CEP128: variants seen among roughly 807,000 people sequenced by gnomAD.
CEP128 encodes centrosomal protein 128, also known as centrosomal protein 128kDa.
Under a neutral mutation model 156.7 loss-of-function variants are expected in CEP128, and 132 were observed. The observed-to-expected ratio is 0.84, with a 90% CI of 0.73 to 0.97. The LOEUF (loss-of-function observed/expected upper bound fraction) is 0.97. Ranked by LOEUF, CEP128 falls within the 50% of genes least tolerant of loss-of-function variation. The pLI, the probability that CEP128 is intolerant of heterozygous loss-of-function variation, is 0.00. For synonymous variants in CEP128, 469 were observed against 448.9 expected, an observed-to-expected ratio of 1.04 and a Z score of -0.57; for missense variants, 1,252 against 1,281.9, an observed-to-expected ratio of 0.98 and a Z score of 0.36.
chr14:80,698,847 T>C (rs867249525), intron 19 of CEP128, among the ~76,000 whole-genome samples: 2 of 152,212 alleles, frequency 1.3e-5, no homozygotes, highest in Middle Eastern at 6.3e-3. Flanking sequence ...ATTTTCTCTT[T>C]TGTAAAAATA....
At chr14:80,949,551 T>A (rs111324940) in intron 2 of CEP128, among the ~76,000 whole-genome samples, 98 of 152,268 alleles carry the variant, frequency 6.4e-4, no homozygotes, top group African/African-American at 2.3e-3. Context: ...ACCAGCCAGA[T>A]TTGAAATCCT....
At position 80,892,572 on chromosome 14, in the gene CEP128, C is replaced by T. The variant is rs968928067; in HGVS notation, c.645+3146G>A. On this transcript the variant is annotated intron_variant, in intron 8 of 24. Coordinates refer to ENST00000555265, the MANE Select transcript of CEP128 (RefSeq NM_152446.5). The stretch of plus-strand genomic sequence containing the variant: ...ATGGCACTACTTCAAACTAAAAAGG[C>T]TCTATACAGCAAAAGATATAATCAA... Among the ~76,000 whole-genome samples the T allele has an allele frequency of 5.9e-5, 9 of 151,934 alleles. No individual in the cohort carries two copies. In the East Asian group the frequency reaches 1.5e-3, roughly 26 times the overall value.
intron 2 of CEP128, among the ~76,000 whole-genome samples, chr14:80,932,604 AC>A (rs1885529676): frequency 6.6e-6 from 1 of 152,118 alleles, no homozygotes; most frequent in African/African-American, 2.4e-5. Context: ...TAAGCAACAC[AC>A]TTTGGGTGTC....
chr14:80,750,145 C>T (rs886767889), intron 18 of CEP128, among the ~76,000 whole-genome samples: 5 of 151,922 alleles, frequency 3.3e-5, no homozygotes, highest in Non-Finnish European at 5.9e-5. Flanking sequence ...TAATCATAAG[C>T]GTAAGGTAGA....
At chr14:80,619,144 G>A (rs1277157797) in intron 19 of CEP128, among the ~76,000 whole-genome samples, 1 of 151,998 alleles carries the variant, frequency 6.6e-6, no homozygotes, top group Non-Finnish European at 1.5e-5. Context: ...TGAGGCATAT[G>A]GAAAATGTAA....
intron 23 of CEP128, among the ~76,000 whole-genome samples, chr14:80,514,021 G>C (rs1888378590): frequency 6.6e-6 from 1 of 152,162 alleles, no homozygotes; most frequent in African/African-American, 2.4e-5. Flanking sequence ...GCCACTATAA[G>C]ACTTCAAAAA....
chr14:80,894,468 G>C, intron 8 of CEP128: 2 of 367,420 alleles, frequency 5.4e-6, no homozygotes, highest in Non-Finnish European at 1.0e-5. Flanking sequence ...TTTGAAGTAT[G>C]TGATGTTTTA....
intron 13 of CEP128, among the ~76,000 whole-genome samples, chr14:80,817,581 A>G (rs1884933674): frequency 2.6e-5 from 4 of 152,280 alleles, no homozygotes; most frequent in Non-Finnish European, 4.4e-5. Flanking sequence ...TATAATAACT[A>G]TAATAAAAAG....
At chr14:80,954,619 C>A (rs1886559405) in intron 2 of CEP128, among the ~76,000 whole-genome samples, 1 of 152,046 alleles carries the variant, frequency 6.6e-6, no homozygotes, top group African/African-American at 2.4e-5. Context: ...CCTGTCCTAG[C>A]CAAGTTCATA....
At chr14:80,915,180 A>C (rs924686507) in intron 3 of CEP128, among the ~76,000 whole-genome samples, 2 of 146,258 alleles carry the variant, frequency 1.4e-5, no homozygotes, top group African/African-American at 5.2e-5. Flanking sequence ...TGCCCAGCTA[A>C]ATTTTTTTTT....
intron 21 of CEP128, among the ~76,000 whole-genome samples, chr14:80,536,672 G>T (rs1203994494): frequency 1.3e-5 from 2 of 152,180 alleles, no homozygotes; most frequent in African/African-American, 2.4e-5. Flanking sequence ...CAGCTGTATT[G>T]GCTTCATAGG....
At chr14:80,779,736 T>A (rs1901001051) in intron 15 of CEP128, among the ~76,000 whole-genome samples, 1 of 152,216 alleles carries the variant, frequency 6.6e-6, no homozygotes, top group African/African-American at 2.4e-5. Context: ...GAAGCCTGTT[T>A]TCAAATATTT....
chr14:80,700,829 T>G (rs1485229504), intron 19 of CEP128, among the ~76,000 whole-genome samples: 1 of 152,190 alleles, frequency 6.6e-6, no homozygotes, highest in African/African-American at 2.4e-5. Flanking sequence ...AAAATAATAT[T>G]GTTTCTTTAT....
intron 19 of CEP128, among the ~76,000 whole-genome samples, chr14:80,596,651 T>C (rs1892332149): frequency 1.3e-5 from 2 of 150,906 alleles, no homozygotes; most frequent in Admixed American, 6.6e-5. Context: ...TCTATAAAAA[T>C]TTGTAAAAAT....
At chr14:80,807,884 C>T (rs1884273977) in intron 13 of CEP128, among the ~76,000 whole-genome samples, 1 of 152,162 alleles carries the variant, frequency 6.6e-6, no homozygotes, top group Admixed American at 6.5e-5. Context: ...CTGTGTCCCC[C>T]AGAAGGCTAC....
intron 24 of CEP128, among the ~76,000 whole-genome samples, chr14:80,499,681 G>C (rs1388635518): frequency 6.6e-6 from 1 of 152,172 alleles, no homozygotes; most frequent in Non-Finnish European, 1.5e-5. Flanking sequence ...TAAAAAACTA[G>C]AGATTTCTAG....
At chr14:80,649,755 G>T (rs1472301729) in intron 19 of CEP128, among the ~76,000 whole-genome samples, 1 of 152,132 alleles carries the variant, frequency 6.6e-6, no homozygotes, top group Non-Finnish European at 1.5e-5. Flanking sequence ...TGAGGCCTCT[G>T]TTCTGGTCCA....
At chr14:80,524,181 A>G (rs537582021) in intron 23 of CEP128, among the ~76,000 whole-genome samples, 2 of 152,314 alleles carry the variant, frequency 1.3e-5, no homozygotes, top group South Asian at 4.1e-4. Flanking sequence ...ACCCACAGGT[A>G]CTGTGTTTTG....
chr14:80,822,134 C>T (rs747566234), intron 13 of CEP128, among the ~76,000 whole-genome samples: 8 of 152,214 alleles, frequency 5.3e-5, no homozygotes, highest in South Asian at 2.1e-4. Flanking sequence ...CATATCATTC[C>T]GCCCCTGGCC....
Sources: gnomAD v4.1 joint callset for allele counts (sites outside exome capture counted in the v4.1 genomes callset) on GRCh38, gnomAD v4.1.1 for gene constraint, MANE v1.5 for transcripts, NCBI Gene and HGNC (gene_info 2026-07-23, HGNC 2026-07-21) for gene names.